Variants in FAM117B observed in about 807,000 individuals in gnomAD.
The protein encoded by FAM117B is protein FAM117B.
FAM117B carries 22 observed loss-of-function variants against 52.8 expected under a neutral mutation model. That is an observed-to-expected ratio of 0.42 (90% CI 0.30 to 0.59). FAM117B has a LOEUF of 0.59. Among genes scored for constraint, FAM117B ranks in the 20% least tolerant of loss-of-function variants. The pLI, the probability that FAM117B is intolerant of heterozygous loss-of-function variation, is 0.22. For missense variants in FAM117B, 678 were observed against 802.6 expected (o/e 0.84, Z 1.88); for synonymous variants, 309 against 324.1 (o/e 0.95, Z 0.50).
At chr2:202,683,509 A>C (rs1374412677) in intron 1 of FAM117B, among the ~76,000 whole-genome samples, 1 of 152,248 alleles carries the variant, frequency 6.6e-6, no homozygotes, top group Non-Finnish European at 1.5e-5. Context: ...CAGATCGTAC[A>C]TAAAAGGATA....
intron 1 of FAM117B, among the ~76,000 whole-genome samples, chr2:202,637,299 C>T (rs1184323000): frequency 1.3e-5 from 2 of 151,950 alleles, no homozygotes; most frequent in Non-Finnish European, 2.9e-5. Context: ...GCTCAGCTGC[C>T]CAGGCTGGAG....
In FAM117B at chr2:202,635,306, C is replaced by T. The variant is rs1235142284; in HGVS notation, c.119C>T (p.Pro40Leu). Residue 40 changes from proline (P) to leucine (L), a missense_variant, in exon 1 of 8, where the codon CCG becomes CTG. This residue lies in a region of FAM117B where 583 missense variants were observed against 644.8 expected (regional missense o/e 0.90). Transcript: ENST00000392238. ...TTGCAGCCCATGAGGGCGACGGTTCCGTTCCAGCTGAAGCAGCAGCAGCAG... is the reference window on the plus strand; with the variant it reads ...TTGCAGCCCATGAGGGCGACGGTTCTGTTCCAGCTGAAGCAGCAGCAGCAG... ...SRLQPMRATVPFQLKQQQQQQ... is the reference protein window; with the variant it reads ...SRLQPMRATVLFQLKQQQQQQ... 1.4e-6 allele frequency: 2 copies of T among 1,418,962 alleles called. No individual in the cohort carries two copies. The highest frequency in any genetic ancestry group is 1.8e-6 in the Non-Finnish European group (2 of 1,084,506). 87.9% of individuals were successfully genotyped at this position (1,418,962 alleles called of 1,614,324 possible).
intron 1 of FAM117B, among the ~76,000 whole-genome samples, chr2:202,661,618 A>G (rs965930877): frequency 1.6e-4 from 25 of 152,298 alleles, no homozygotes; most frequent in African/African-American, 5.8e-4. Context: ...GCTAACATTA[A>G]AAAATTATAT....
At chr2:202,715,889 G>A (rs532074971) in intron 2 of FAM117B, among the ~76,000 whole-genome samples, 7 of 152,242 alleles carry the variant, frequency 4.6e-5, no homozygotes, top group African/African-American at 1.7e-4. Context: ...AGACCAGCCC[G>A]GCCAACACAG....
chr2:202,749,439 T>C (rs1038637059), intron 4 of FAM117B, among the ~76,000 whole-genome samples: 2 of 100,044 alleles, frequency 2.0e-5, no homozygotes, highest in African/African-American at 4.3e-5. Flanking sequence ...TCTGGTATAA[T>C]GTTAAAAAAA....
rs1037253620 is a variant in FAM117B, at chr2:202,635,520, G to A, written c.333G>A (p.Thr111=). 8.0e-6 allele frequency: 9 copies of A among 1,121,218 alleles called. No homozygotes were observed. Among genetic ancestry groups the A allele is most frequent in the Non-Finnish European group, 8.7e-6 (8 of 919,692 alleles). 69.5% of individuals were successfully genotyped at this position (1,121,218 alleles called of 1,614,324 possible). ...CGCGCACCAGCCCCACGGTGGCCACGCAGACGGGCGCGTCCGCGACGTCCA... is the reference window on the plus strand; with the variant it reads ...CGCGCACCAGCCCCACGGTGGCCACACAGACGGGCGCGTCCGCGACGTCCA... ...AAARTSPTVA[T]QTGASATSTR... The change falls in exon 1 of 8, where the codon ACG becomes ACA. Residue 111 remains threonine, a synonymous_variant. Coordinates refer to ENST00000392238, the MANE Select transcript of FAM117B (RefSeq NM_173511.4).
chr2:202,721,800 A>AT (rs1289032696), intron 2 of FAM117B, among the ~76,000 whole-genome samples: 1 of 151,664 alleles, frequency 6.6e-6, no homozygotes, highest in African/African-American at 2.4e-5. Flanking sequence ...GGCCCAGCTA[A>AT]TTTTTTACAT....
intron 4 of FAM117B, among the ~76,000 whole-genome samples, chr2:202,751,392 G>T (rs1691718787): frequency 6.6e-6 from 1 of 152,060 alleles, no homozygotes; most frequent in African/African-American, 2.4e-5. Flanking sequence ...AAGCTGAAAG[G>T]GTCTAACCAG....
At chr2:202,642,462 A>C (rs956569854) in intron 1 of FAM117B, among the ~76,000 whole-genome samples, 5 of 151,872 alleles carry the variant, frequency 3.3e-5, no homozygotes, top group Admixed American at 2.6e-4. Flanking sequence ...AGAGTAAAAA[A>C]GATTGAAAAG....
chr2:202,652,675 C>T (rs1442973146), intron 1 of FAM117B, among the ~76,000 whole-genome samples: 1 of 152,068 alleles, frequency 6.6e-6, no homozygotes, highest in Non-Finnish European at 1.5e-5. Flanking sequence ...AGAGATCTTT[C>T]ACTTCTATAG....
At chr2:202,694,057 A>G (rs1038413282) in intron 1 of FAM117B, among the ~76,000 whole-genome samples, 2 of 152,142 alleles carry the variant, frequency 1.3e-5, no homozygotes, top group Non-Finnish European at 2.9e-5. Flanking sequence ...AATTATTCTC[A>G]CAGAAAATTA....
At chr2:202,693,862 G>T (rs1241219430) in intron 1 of FAM117B, among the ~76,000 whole-genome samples, 1 of 151,948 alleles carries the variant, frequency 6.6e-6, no homozygotes, top group Non-Finnish European at 1.5e-5. Context: ...TCATTGTTAT[G>T]TGCTCTTTTT....
Position 202,765,784 on chromosome 2 carries a change from G to A in FAM117B, c.*20G>A, listed in dbSNP as rs767906018. ...GGATAGGTCACAGTGCAACGTGGCT[G>A]TTGTTCTGGGAAATTGGGAACCTCC... On this transcript the variant is annotated 3_prime_UTR_variant, in exon 8 of 8. Transcript: ENST00000392238. 6.2e-7 allele frequency: 1 copy of A among 1,606,506 alleles called. No homozygotes were observed. Among genetic ancestry groups the A allele is most frequent in the East Asian group, 2.2e-5 (1 of 44,802 alleles).
intron 5 of FAM117B, 86 bp from the exon 6 acceptor site, chr2:202,757,127 C>T: frequency 2.3e-6 from 3 of 1,304,544 alleles, no homozygotes; most frequent in South Asian, 2.9e-5. Flanking sequence ...GTCTCTGGCA[C>T]TATATGGGAA....
intron 6 of FAM117B, among the ~76,000 whole-genome samples, chr2:202,757,786 A>C (rs1035978819): frequency 2.0e-5 from 3 of 152,218 alleles, no homozygotes; most frequent in African/African-American, 7.2e-5. Flanking sequence ...TATTACCTTA[A>C]TGCTTTTTAA....
intron 1 of FAM117B, among the ~76,000 whole-genome samples, chr2:202,688,650 T>A (rs1169413075): frequency 6.6e-6 from 1 of 152,156 alleles, no homozygotes; most frequent in Non-Finnish European, 1.5e-5. Context: ...CCAGTAAAAG[T>A]ATGACTATTT....
At chr2:202,734,525 A>G (rs1269718092) in intron 4 of FAM117B, among the ~76,000 whole-genome samples, 9 of 152,244 alleles carry the variant, frequency 5.9e-5, no homozygotes, top group Non-Finnish European at 1.3e-4. Context: ...ATTAAATTAG[A>G]TGCTTAAAAA....
At chr2:202,672,266 G>A (rs1269509170) in intron 1 of FAM117B, among the ~76,000 whole-genome samples, 1 of 152,234 alleles carries the variant, frequency 6.6e-6, no homozygotes, top group Non-Finnish European at 1.5e-5. Context: ...AGGCTGGAGT[G>A]CAGTGGCACG....
At chr2:202,639,301 T>G (rs57192149) in intron 1 of FAM117B, among the ~76,000 whole-genome samples, 5,627 of 152,252 alleles carry the variant, frequency 0.037, 358 homozygotes, top group African/African-American at 0.13. Context: ...TCCAGTTGCT[T>G]TATTCTTCTA....
Sources: gnomAD v4.1 joint callset for allele counts (sites outside exome capture counted in the v4.1 genomes callset) on GRCh38, gnomAD v4.1.1 for gene constraint, gnomAD v4.1.1 regional missense constraint, MANE v1.5 for transcripts, NCBI Gene and HGNC (gene_info 2026-07-23, HGNC 2026-07-21) for gene names.